PPM1E: variants seen among roughly 807,000 people sequenced by gnomAD.
PPM1E encodes protein phosphatase 1E.
PPM1E carries 20 observed loss-of-function variants against 65.9 expected under a neutral mutation model. The ratio of observed to expected loss-of-function variants is 0.30; its 90% confidence interval spans 0.21 to 0.44. The LOEUF is 0.44. Ranked by LOEUF, PPM1E falls within the 20% of genes least tolerant of loss-of-function variation. The pLI is 1.00. For synonymous variants in PPM1E, 352 were observed against 374.9 expected, an observed-to-expected ratio of 0.94 and a Z score of 0.70; for missense variants, 713 against 953.1, an observed-to-expected ratio of 0.75 and a Z score of 3.32.
chr17:58,909,930 T>C (rs968378128), intron 1 of PPM1E, among the ~76,000 whole-genome samples: 14 of 135,366 alleles, frequency 1.0e-4, no homozygotes, highest in Middle Eastern at 3.6e-3. Flanking sequence ...TTTTCTTTTT[T>C]TTTTTTTTTT....
chr17:58,886,436 C>G (rs1471831447), intron 1 of PPM1E, among the ~76,000 whole-genome samples: 7 of 152,148 alleles, frequency 4.6e-5, no homozygotes. Flanking sequence ...TGGTAGTGAA[C>G]AAACTCAGGT....
intron 1 of PPM1E, among the ~76,000 whole-genome samples, chr17:58,798,180 GAT>G (rs2050223219): frequency 6.6e-6 from 1 of 150,678 alleles, no homozygotes; most frequent in African/African-American, 2.4e-5. Context: ...GTCATTGTTG[GAT>G]ATGTGTTTTG....
intron 1 of PPM1E, among the ~76,000 whole-genome samples, chr17:58,869,936 A>G (rs769372789): frequency 1.3e-5 from 2 of 152,240 alleles, no homozygotes; most frequent in Non-Finnish European, 2.9e-5. Context: ...AGAATCTGGG[A>G]TTGAAAGTTT....
At chr17:58,862,601 G>A (rs1316377297) in intron 1 of PPM1E, among the ~76,000 whole-genome samples, 1 of 152,176 alleles carries the variant, frequency 6.6e-6, no homozygotes, top group Admixed American at 6.5e-5. Context: ...CTACCTTGAA[G>A]GGGCTTTCAG....
chr17:58,766,606 TACACACACAC>T (rs36067765), intron 1 of PPM1E, among the ~76,000 whole-genome samples: 10 of 123,596 alleles, frequency 8.1e-5, no homozygotes, highest in African/African-American at 3.2e-4. Context: ...TGTGTGTGTA[TACACACACAC>T]ACACACACAC....
intron 6 of PPM1E, among the ~76,000 whole-genome samples, chr17:58,978,005 G>A (rs2031123645): frequency 6.6e-6 from 1 of 152,220 alleles, no homozygotes; most frequent in African/African-American, 2.4e-5. Flanking sequence ...GCCTCCCAAA[G>A]TGCTGGGATT....
chr17:58,948,661 A>G (rs1432255225), intron 1 of PPM1E, among the ~76,000 whole-genome samples: 1 of 152,194 alleles, frequency 6.6e-6, no homozygotes, highest in Non-Finnish European at 1.5e-5. Flanking sequence ...TACTGCAGAG[A>G]CATATTATAT....
chr17:58,810,617 G>A (rs1248907521), intron 1 of PPM1E, among the ~76,000 whole-genome samples: 32 of 152,164 alleles, frequency 2.1e-4, no homozygotes, highest in Non-Finnish European at 2.9e-5. Context: ...TTCAGTACCT[G>A]CTGCCCCAGC....
At chr17:58,820,968 T>A (rs2050473519) in intron 1 of PPM1E, among the ~76,000 whole-genome samples, 1 of 152,074 alleles carries the variant, frequency 6.6e-6, no homozygotes, top group African/African-American at 2.4e-5. Context: ...ATCTGAAACA[T>A]TTAATCATGG....
rs921539689 is a variant in PPM1E, at chr17:58,981,565, A to G, written c.*534A>G. ...AAGACTAAAAGCCATATGGATTTTA[A>G]CTGATAACAATGAAAGTGGTAAATC... is the stretch of plus-strand genomic sequence containing the variant. On this transcript the variant is annotated 3_prime_UTR_variant, in exon 7 of 7. Transcript: ENST00000308249. 6.5e-6 allele frequency: 1 copy of G among 152,730 alleles called. No individual in the cohort carries two copies. 9.5% of individuals were successfully genotyped at this position (152,730 alleles called of 1,614,324 possible).
intron 1 of PPM1E, among the ~76,000 whole-genome samples, chr17:58,896,006 T>C (rs2051409597): frequency 6.8e-6 from 1 of 148,042 alleles, no homozygotes; most frequent in Admixed American, 6.7e-5. Flanking sequence ...TCCCAGCTAC[T>C]TGGGAGGCTG....
At chr17:58,764,321 T>C (rs2049852713) in intron 1 of PPM1E, among the ~76,000 whole-genome samples, 1 of 152,162 alleles carries the variant, frequency 6.6e-6, no homozygotes, top group East Asian at 1.9e-4. Context: ...CTGTAACACA[T>C]ATCTAACCAT....
rs554394576 is a variant in PPM1E, at chr17:58,876,791, A to AT, written c.465-78848dup. ...AGTTGACAAATGTGCATTTTATTTT[A>AT]TTTTTTTTTTGAGACGGAGTCTGGC... On this transcript the variant is annotated intron_variant, in intron 1 of 6. Transcript: ENST00000308249. Among the ~76,000 whole-genome samples the AT allele has an allele frequency of 7.1e-4, 106 of 149,968 alleles. No individual in the cohort carries two copies. The South Asian group carries it at 0.012, about 17-fold the overall frequency.
intron 6 of PPM1E, among the ~76,000 whole-genome samples, chr17:58,978,750 C>T (rs1052339563): frequency 6.6e-6 from 1 of 152,040 alleles, no homozygotes; most frequent in African/African-American, 2.4e-5. Flanking sequence ...TAGTCATAAG[C>T]TATTTGGTTA....
chr17:58,856,897 T>G (rs1215198646), intron 1 of PPM1E, among the ~76,000 whole-genome samples: 1 of 152,222 alleles, frequency 6.6e-6, no homozygotes, highest in Non-Finnish European at 1.5e-5. Context: ...GTCATGATAG[T>G]AATTTTCCCC....
chr17:58,938,021 TAC>T (rs1384074712), intron 1 of PPM1E, among the ~76,000 whole-genome samples: 7 of 152,084 alleles, frequency 4.6e-5, no homozygotes, highest in African/African-American at 1.4e-4. Context: ...TGTTTCAGAA[TAC>T]ACCCACAGCA....
intron 6 of PPM1E, among the ~76,000 whole-genome samples, chr17:58,977,244 A>T (rs920707357): frequency 3.9e-5 from 6 of 152,124 alleles, no homozygotes; most frequent in African/African-American, 7.2e-5. Flanking sequence ...GGAGTTCAAG[A>T]CCAGCCTGAC....
At chr17:58,757,027 A>G (rs757851635) in intron 1 of PPM1E, among the ~76,000 whole-genome samples, 1 of 152,160 alleles carries the variant, frequency 6.6e-6, no homozygotes, top group Non-Finnish European at 1.5e-5. Context: ...GAGAGAATGG[A>G]GTAGATTTTC....
chr17:58,815,497 G>A (rs1309161472), intron 1 of PPM1E, among the ~76,000 whole-genome samples: 2 of 152,170 alleles, frequency 1.3e-5, no homozygotes, highest in African/African-American at 4.8e-5. Context: ...GAAAGAGTAT[G>A]CGTTCTTTTA....
Sources: allele counts gnomAD v4.1 joint callset (sites outside exome capture counted in the v4.1 genomes callset), GRCh38; gene constraint gnomAD v4.1.1; transcripts MANE v1.5; gene names NCBI Gene and HGNC (gene_info 2026-07-23, HGNC 2026-07-21).